Variants in AK8 observed in about 807,000 individuals in gnomAD.
The protein encoded by AK8 is ATP-AMP transphosphorylase 8.
In AK8, 44 loss-of-function variants were observed where a neutral mutation model predicts 54.6. The ratio of observed to expected loss-of-function variants is 0.81; its 90% CI spans 0.63 to 1.04. The LOEUF (loss-of-function observed/expected upper bound fraction) is 1.04, where lower values mean the gene tolerates loss of function less well. AK8 is among the 50% of genes least tolerant of loss of function. The probability of loss-of-function intolerance (pLI) is 0.00; values close to 1 mark genes in which losing one functional copy is unlikely to be tolerated. For synonymous variants in AK8, 239 were observed against 245.6 expected (o/e 0.97, Z 0.25); for missense variants, 555 against 613.6 (o/e 0.90, Z 1.01).
intron 10 of AK8, among the ~76,000 whole-genome samples, chr9:132,804,570 G>T (rs1003916206): frequency 1.3e-5 from 2 of 151,888 alleles, no homozygotes; most frequent in African/African-American, 4.8e-5. Context: ...CAGGGAGGGG[G>T]GTGGGAGCAG....
chr9:132,843,839 T>C (rs894738004), intron 5 of AK8, among the ~76,000 whole-genome samples: 23 of 152,248 alleles, frequency 1.5e-4, no homozygotes, highest in East Asian at 1.9e-4. Context: ...TTTGGAACCA[T>C]AGGAATGAAT....
chr9:132,741,419 A>C (rs1243602843), intron 11 of AK8, among the ~76,000 whole-genome samples: 1 of 152,166 alleles, frequency 6.6e-6, no homozygotes, highest in Non-Finnish European at 1.5e-5. Context: ...AACACTGATC[A>C]ACACTGAAGT....
At chr9:132,830,893 T>C (rs1842077202) in intron 5 of AK8, among the ~76,000 whole-genome samples, 1 of 152,248 alleles carries the variant, frequency 6.6e-6, no homozygotes, top group South Asian at 2.1e-4. Context: ...AATTGTGTTC[T>C]TGTGTTTTTA....
At chr9:132,753,049 GA>G (rs1356374988) in intron 11 of AK8, among the ~76,000 whole-genome samples, 2 of 152,216 alleles carry the variant, frequency 1.3e-5, no homozygotes, top group Non-Finnish European at 2.9e-5. Context: ...CGAACAAATT[GA>G]AGTGTAAGTC....
intron 12 of AK8, 72 bp downstream of exon 12, chr9:132,727,382 G>T: frequency 7.3e-7 from 1 of 1,373,442 alleles, no homozygotes; most frequent in Non-Finnish European, 1.0e-6. Flanking sequence ...TTCCACCATG[G>T]CATTGGTCAG....
intron 12 of AK8, 111 bp downstream of exon 12, chr9:132,727,343 A>G: frequency 1.0e-6 from 1 of 976,826 alleles, no homozygotes; most frequent in Non-Finnish European, 1.6e-6. Flanking sequence ...ATCGTCCTTC[A>G]GTGGTCACCA....
At chr9:132,817,277 G>A (rs1588165284) in intron 9 of AK8, among the ~76,000 whole-genome samples, 5 of 152,222 alleles carry the variant, frequency 3.3e-5, no homozygotes, top group African/African-American at 1.2e-4. Flanking sequence ...AAGCAGAATG[G>A]TGACACAATC....
intron 11 of AK8, among the ~76,000 whole-genome samples, chr9:132,761,989 C>A (rs1465130154): frequency 1.3e-5 from 2 of 152,130 alleles, no homozygotes; most frequent in African/African-American, 4.8e-5. Flanking sequence ...TGTGTCTCAG[C>A]CTCCCGAGTA....
At chr9:132,734,712 G>A (rs938794957) in intron 11 of AK8, among the ~76,000 whole-genome samples, 4 of 152,214 alleles carry the variant, frequency 2.6e-5, no homozygotes, top group Middle Eastern at 3.4e-3. Flanking sequence ...CTCCGGCCTG[G>A]GTGACAGAGA....
intron 5 of AK8, among the ~76,000 whole-genome samples, chr9:132,836,759 C>T (rs1325291572): frequency 4.6e-5 from 7 of 152,222 alleles, no homozygotes; most frequent in South Asian, 2.1e-4. Flanking sequence ...GGTGGGCTCA[C>T]GCCATTTGCC....
In AK8 at chr9:132,770,270, C is replaced by G. The variant is rs1838905565; in HGVS notation, c.1121+22364G>C. 6.6e-6 allele frequency: 1 copy of G among 152,410 alleles called. No individual in the cohort carries two copies. Among genetic ancestry groups the G allele is most frequent in the Non-Finnish European group, 1.5e-5 (1 of 68,222 alleles). 9.4% of individuals were successfully genotyped at this position (152,410 alleles called of 1,614,324 possible). On this transcript the variant is annotated intron_variant, in intron 11 of 12. Transcript: ENST00000298545. This position sits in a 1 kb window ranked among gnomAD's most constrained non-coding sequence, Gnocchi z 4.3. ...GGAAACAAACAGCAGCCCCGCCAGC[C>G]CGGGCCCGGAGGCCCAGCCCCGCGC...
intron 11 of AK8, among the ~76,000 whole-genome samples, chr9:132,740,716 C>CT (rs887113059): frequency 2.0e-5 from 3 of 152,262 alleles, no homozygotes; most frequent in Non-Finnish European, 4.4e-5. Context: ...TGAGCACCCC[C>CT]CCGCCCCACT....
chr9:132,867,223 G>A (rs1242307207), intron 2 of AK8, among the ~76,000 whole-genome samples: 2 of 151,990 alleles, frequency 1.3e-5, no homozygotes, highest in Non-Finnish European at 2.9e-5. Context: ...TAAATATCAA[G>A]AACAATTGGG....
intron 11 of AK8, among the ~76,000 whole-genome samples, chr9:132,745,106 G>T (rs748498928): frequency 2.0e-5 from 3 of 152,092 alleles, no homozygotes; most frequent in Non-Finnish European, 2.9e-5. Context: ...TTCTGCCACC[G>T]TTCATCCGAT....
intron 5 of AK8, among the ~76,000 whole-genome samples, chr9:132,830,458 A>G (rs1439791181): frequency 2.0e-5 from 3 of 152,252 alleles, no homozygotes; most frequent in Non-Finnish European, 2.9e-5. Context: ...AAATCTGTCC[A>G]GCAAAATACA....
Position 132,826,831 on chromosome 9 carries a change from T to G in AK8, c.757+23A>C, listed in dbSNP as rs1588177882. 6.2e-7 allele frequency: 1 copy of G among 1,612,142 alleles called. No individual in the cohort carries two copies. ...CCCGCCCTTGGCCGTCTGTCCAGGG[T>G]GGGGCTGCCTGCTTGTGTTTACCCT... On this transcript the variant is annotated intron_variant, in intron 8 of 12. Coordinates refer to ENST00000298545, the MANE Select transcript of AK8 (RefSeq NM_152572.3). The surrounding 1 kb of genome is among the most constrained non-coding windows in gnomAD (Gnocchi z 4.5).
At chr9:132,827,480 C>G in intron 7 of AK8, 1 of 219,404 alleles carries the variant, frequency 4.6e-6, no homozygotes, top group South Asian at 8.4e-5. Context: ...AAACCCAGCT[C>G]TATCTGCCAC....
chr9:132,818,252 G>A (rs1168072045), intron 9 of AK8, among the ~76,000 whole-genome samples: 2 of 152,184 alleles, frequency 1.3e-5, no homozygotes, highest in Admixed American at 6.5e-5. Context: ...GATACCAGAT[G>A]GAAACCTGGA....
chr9:132,840,535 A>G (rs1242819701), intron 5 of AK8, among the ~76,000 whole-genome samples: 1 of 152,040 alleles, frequency 6.6e-6, no homozygotes, highest in Non-Finnish European at 1.5e-5. Context: ...CACTGAAAAG[A>G]CTGCTCACTC....
Sources: gnomAD v4.1 joint callset for allele counts (sites outside exome capture counted in the v4.1 genomes callset) on GRCh38, gnomAD v4.1.1 for gene constraint, Gnocchi (gnomAD v3.1) non-coding constraint, MANE v1.5 for transcripts, NCBI Gene and HGNC (gene_info 2026-07-23, HGNC 2026-07-21) for gene names.